Variants in MEF2B observed in about 807,000 individuals in gnomAD.
MEF2B encodes myocyte-specific enhancer factor 2B.
MEF2B carries 15 observed loss-of-function variants against 32.2 expected under a neutral mutation model. That is an observed-to-expected ratio of 0.47 (90% confidence interval 0.31 to 0.72). The LOEUF (loss-of-function observed/expected upper bound fraction) is 0.72. MEF2B is among the 30% of genes least tolerant of loss of function. MEF2B has a pLI of 0.05. For synonymous variants in MEF2B, 205 were observed against 225.6 expected (o/e 0.91, Z 0.82); for missense variants, 441 against 511.5 (o/e 0.86, Z 1.33).
chr19:19,168,720 A>T (rs1300130039), intron 1 of MEF2B, among the ~76,000 whole-genome samples: 2 of 151,880 alleles, frequency 1.3e-5, no homozygotes, highest in African/African-American at 4.8e-5. Flanking sequence ...CAGCCTCCCG[A>T]GTAGCTGGGA....
intron 1 of MEF2B, among the ~76,000 whole-genome samples, chr19:19,166,239 G>A (rs1414684469): frequency 6.6e-6 from 1 of 152,032 alleles, no homozygotes; most frequent in Non-Finnish European, 1.5e-5. Flanking sequence ...AGTGGGCCTG[G>A]GCTTGTCCAG....
chr19:19,146,789 C>T lies in MEF2B; in HGVS notation c.628G>A (p.Asp210Asn), dbSNP rs1465527425. ...LYLPTEGRRS[D>N]LPGGLAGPRG... ...GGCCCAGCCAGGCCACCAGGCAGGT[C>T]TGACCTCCGCCCTTCCGTCGGCAGG... The change falls in exon 6 of 9, where the codon GAC becomes AAC. Residue 210 changes from aspartate to asparagine, a missense_variant. By Grantham distance (23) the Asp-to-Asn change is conservative (BLOSUM62 1). Coordinates refer to ENST00000424583, the MANE Select transcript of MEF2B (RefSeq NM_001145785.2). 1.2e-6 allele frequency: 2 copies of T among 1,614,062 alleles called. No individual in the cohort carries two copies. The highest frequency in any genetic ancestry group is 1.7e-5 in the Admixed American group (1 of 60,006).
intron 1 of MEF2B, among the ~76,000 whole-genome samples, chr19:19,155,050 C>G (rs1391909421): frequency 6.6e-6 from 1 of 152,190 alleles, no homozygotes; most frequent in Non-Finnish European, 1.5e-5. Context: ...CTCCTGAACC[C>G]CAGTGACATT....
intron 1 of MEF2B, among the ~76,000 whole-genome samples, chr19:19,162,434 G>C (rs961005717): frequency 8.5e-5 from 13 of 152,158 alleles, no homozygotes; most frequent in Admixed American, 6.6e-4. Flanking sequence ...CACAGGCCTG[G>C]CTGCCTTCCC....
intron 1 of MEF2B, among the ~76,000 whole-genome samples, chr19:19,169,060 T>A (rs189868107): frequency 5.7e-4 from 84 of 148,030 alleles, no homozygotes; most frequent in East Asian, 2.6e-3. Context: ...TCAAAAAAAA[T>A]TTTTTTTTAA....
chr19:19,153,583 A>T (rs1429236535), intron 1 of MEF2B, among the ~76,000 whole-genome samples: 1 of 151,904 alleles, frequency 6.6e-6, no homozygotes, highest in South Asian at 2.1e-4. Context: ...CAGCCTCCCA[A>T]GTAGCTGCGA....
chr19:19,155,264 T>C (rs2060112571), intron 1 of MEF2B, among the ~76,000 whole-genome samples: 1 of 152,136 alleles, frequency 6.6e-6, no homozygotes, highest in Non-Finnish European at 1.5e-5. Flanking sequence ...TATCTCTGAC[T>C]AGAAGGACCC....
In MEF2B at chr19:19,147,121, A is replaced by T. The variant is rs529053843; in HGVS notation, c.456T>A (p.Cys152Ter). The change falls in exon 5 of 9, where the codon TGT becomes TGA. Residue 152 changes from cysteine (C) to a stop codon, truncating the protein, a stop_gained. Coordinates refer to ENST00000424583, the MANE Select transcript of MEF2B (RefSeq NM_001145785.2). LOFTEE classifies it high-confidence loss of function. ...VVYGALPPPGCDPSGLGEALP... is the reference protein window; with the variant it reads ...VVYGALPPPG The stretch of plus-strand genomic sequence containing the variant: ...GTGCTTCCCCAAGCCCACTGGGGTC[A>T]CAGCCTGGTGGCGGTAAGGCCCCGT... 6.2e-7 allele frequency: 1 copy of T among 1,606,674 alleles called. No individual in the cohort carries two copies. The highest frequency in any genetic ancestry group is 1.1e-5 in the South Asian group (1 of 89,952).
At chr19:19,164,590 G>A (rs1482029171) in intron 1 of MEF2B, among the ~76,000 whole-genome samples, 2 of 152,218 alleles carry the variant, frequency 1.3e-5, no homozygotes, top group Non-Finnish European at 2.9e-5. Flanking sequence ...GAGGTGGGCA[G>A]ATCACTTGAG....
chr19:19,150,659 A>G (rs1364553524), intron 2 of MEF2B, 23 bp downstream of exon 2: 12 of 1,613,862 alleles, frequency 7.4e-6, no homozygotes, highest in Non-Finnish European at 1.0e-5. Context: ...TTTCCCAGCC[A>G]CTGTTCCACC....
At chr19:19,150,634 C>T in intron 2 of MEF2B, 48 bp downstream of exon 2, 1 of 1,612,790 alleles carries the variant, frequency 6.2e-7, no homozygotes, top group Non-Finnish European at 8.5e-7. Context: ...GGCCATGCCC[C>T]CTGCTAGGAA....
At chr19:19,146,240 G>T in intron 8 of MEF2B, 33 bp downstream of exon 8, 1 of 970,236 alleles carries the variant, frequency 1.0e-6, no homozygotes, top group Non-Finnish European at 1.4e-6. Context: ...GGCTTTGGAG[G>T]ACTGGGACTT....
intron 1 of MEF2B, among the ~76,000 whole-genome samples, chr19:19,159,134 T>C: frequency 6.7e-6 from 1 of 149,762 alleles, no homozygotes; most frequent in African/African-American, 2.5e-5. Context: ...AGAGATGGGG[T>C]TTCACCATGT....
At chr19:19,152,502 G>A (rs1369641410) in intron 1 of MEF2B, among the ~76,000 whole-genome samples, 1 of 152,030 alleles carries the variant, frequency 6.6e-6, no homozygotes, top group Non-Finnish European at 1.5e-5. Context: ...TCAGGCGTTC[G>A]AGACCAGCCT....
At chr19:19,155,644 G>A (rs1009820840) in intron 1 of MEF2B, among the ~76,000 whole-genome samples, 8 of 152,244 alleles carry the variant, frequency 5.3e-5, no homozygotes, top group African/African-American at 1.2e-4. Context: ...GACCTGTCTC[G>A]GGCCCAGGTG....
intron 1 of MEF2B, among the ~76,000 whole-genome samples, chr19:19,167,070 G>A (rs987800508): frequency 1.3e-5 from 2 of 151,798 alleles, no homozygotes; most frequent in Non-Finnish European, 2.9e-5. Context: ...CTGGTCACAG[G>A]CTGGCCACAG....
chr19:19,145,794 C>A lies in MEF2B; in HGVS notation c.*3G>T. ...CTCTGGGCTGGTGCCACCGGGTGAT[C>A]TCCTACCGGGGCCAGCCGTCGGCCA... On this transcript the variant is annotated 3_prime_UTR_variant, in exon 9 of 9. Coordinates refer to ENST00000424583, the MANE Select transcript of MEF2B (RefSeq NM_001145785.2). This position sits in a 1 kb window ranked among gnomAD's most constrained non-coding sequence, Gnocchi z 4.6. 2 of 1,545,334 alleles carry A rather than the reference C, an allele frequency of 1.3e-6. No homozygotes were observed. The highest frequency in any genetic ancestry group is 1.7e-6 in the Non-Finnish European group (2 of 1,144,132).
rs1051296444 is a variant in MEF2B at position 19,150,601 on chromosome 19, T to A, written c.54+81A>T. On this transcript the variant is annotated intron_variant, in intron 2 of 8. Transcript: ENST00000424583. Reference sequence around the variant, plus strand: ...CCTCCTCATTCCCCTGCAGTTCAATTGGTCAGGTCAGTCCCTTGCCTAGGC... The same window carrying A: ...CCTCCTCATTCCCCTGCAGTTCAATAGGTCAGGTCAGTCCCTTGCCTAGGC... The A allele has an allele frequency of 1.1e-5, 18 of 1,582,284 alleles. No individual in the cohort carries two copies. The African/African-American group carries it at 2.4e-4, about 21-fold the overall frequency.
intron 1 of MEF2B, among the ~76,000 whole-genome samples, chr19:19,153,757 A>G (rs1462684076): frequency 6.6e-6 from 1 of 150,762 alleles, no homozygotes; most frequent in African/African-American, 2.4e-5. Flanking sequence ...ACGCCTGGCC[A>G]TATTTATTTT....
Sources: gnomAD v4.1 joint callset for allele counts (sites outside exome capture counted in the v4.1 genomes callset) on GRCh38, gnomAD v4.1.1 for gene constraint, Gnocchi (gnomAD v3.1) non-coding constraint, MANE v1.5 for transcripts, NCBI Gene and HGNC (gene_info 2026-07-23, HGNC 2026-07-21) for gene names.